Variants in TMEM134 observed in about 807,000 individuals in gnomAD.
TMEM134 encodes transmembrane protein 134.
TMEM134 carries 36 observed loss-of-function variants against 26.2 expected under a neutral mutation model. The observed-to-expected ratio is 1.37, with a 90% CI of 1.05 to 1.81. The LOEUF (loss-of-function observed/expected upper bound fraction) is 1.81, where lower values mean the gene tolerates loss of function less well. TMEM134 is among the 40% of genes most tolerant of loss of function. TMEM134 has a pLI of 0.00. For synonymous variants in TMEM134, 133 were observed against 113.6 expected, an observed-to-expected ratio of 1.17 and a Z score of -1.08; for missense variants, 339 against 263.5, an observed-to-expected ratio of 1.29 and a Z score of -1.98.
At chr11:67,467,925 G>A (rs1865378917) in intron 2 of TMEM134, 103 bp downstream of exon 2, 2 of 1,096,562 alleles carry the variant, frequency 1.8e-6, no homozygotes, top group Admixed American at 4.1e-5. Context: ...TCAATAGGAC[G>A]GGATGGAAGA....
At position 67,467,199 on chromosome 11, in the gene TMEM134, G is replaced by A. The variant is rs1033013902; in HGVS notation, c.406+113C>T. On this transcript the variant is annotated intron_variant, in intron 4 of 6. Coordinates refer to ENST00000308022, the MANE Select transcript of TMEM134 (RefSeq NM_025124.4). ...GGGAGTGTGATGATGGCAGCCAGCT[G>A]CCTCCTCAGGATGCTGGGAGGCTCA... 36 of 985,310 alleles carry A rather than the reference G, an allele frequency of 3.7e-5. No individual in the cohort carries two copies. The South Asian group carries it at 5.1e-4, about 14-fold the overall frequency. The allele number at this position is 985,310 out of a possible 1,614,324, so 61.0% of individuals were successfully genotyped here.
At chr11:67,468,893 G>C (rs1013151506) in intron 1 of TMEM134, 126 bp downstream of exon 1, 5 of 945,816 alleles carry the variant, frequency 5.3e-6, no homozygotes, top group Non-Finnish European at 4.3e-6. Context: ...TCCGCGGGGC[G>C]GGGGGGCGGT....
In TMEM134 at chr11:67,464,543, T is replaced by G; in HGVS notation, c.*71A>C. ...GAGGGTCCTGGAGGGCCTCTTCCCT[T>G]GAGATGAGGGGAACGGAACAGGGCA... On this transcript the variant is annotated 3_prime_UTR_variant, in exon 7 of 7. Coordinates refer to ENST00000308022, the MANE Select transcript of TMEM134 (RefSeq NM_025124.4). 6.0e-5 allele frequency: 88 copies of G among 1,477,634 alleles called. No homozygotes were observed. The highest frequency in any genetic ancestry group is 7.9e-5 in the Non-Finnish European group (85 of 1,080,670). 91.5% of individuals were successfully genotyped at this position (1,477,634 alleles called of 1,614,324 possible).
rs779767159 is a variant in TMEM134 at position 67,465,070 on chromosome 11, G to A, written c.437C>T (p.Ala146Val). The A allele has an allele frequency of 2.5e-6, 4 of 1,583,712 alleles. No individual in the cohort carries two copies. The highest frequency in any genetic ancestry group is 4.5e-5 in the East Asian group (2 of 44,388). Reference protein sequence around the residue: ...VLILVGVGLEATPSPGVSSAI... With the variant: ...VLILVGVGLEVTPSPGVSSAI... ...GGGTCGCTCACCTGGAGAGGGGGTC[G>A]CCTCCAGTCCCACGCCGACCAGGAT... The change falls in exon 5 of 7, where the codon GCG (alanine) becomes GTG (valine). Residue 146 changes from alanine to valine, a missense_variant. By Grantham distance (64) the Ala-to-Val change is moderately conservative. Transcript: ENST00000308022.
At position 67,468,037 on chromosome 11, in the gene TMEM134, A is replaced by T; in HGVS notation, c.230T>A (p.Val77Asp). ...AQASPEPDGG[V>D]GTRDSSRTSI... ...CCCACCTGGCCCTAACCTGGTGCCG[A>T]CTCCCCCATCCGGCTCCGGAGAGGC... is the stretch of plus-strand genomic sequence containing the variant. The change falls in exon 2 of 7, where the codon GTC becomes GAC. Residue 77 changes from valine to aspartate, a missense_variant. Coordinates refer to ENST00000308022, the MANE Select transcript of TMEM134 (RefSeq NM_025124.4). 1.3e-6 allele frequency: 2 copies of T among 1,558,036 alleles called. No homozygotes were observed. The highest frequency in any genetic ancestry group is 1.7e-6 in the Non-Finnish European group (2 of 1,150,850).
At chr11:67,467,913 A>C in intron 2 of TMEM134, 115 bp downstream of exon 2, 1 of 1,006,386 alleles carries the variant, frequency 9.9e-7, no homozygotes, top group Non-Finnish European at 1.5e-6. Flanking sequence ...TCAGGCTAGG[A>C]ATCAATAGGA....
intron 4 of TMEM134, 75 bp downstream of exon 4, chr11:67,467,237 A>G: frequency 1.4e-6 from 2 of 1,398,720 alleles, no homozygotes; most frequent in South Asian, 1.2e-5. Flanking sequence ...GTCAAGGGGG[A>G]GGCAGAGCCT....
chr11:67,464,969 A>C, intron 5 of TMEM134, 87 bp downstream of exon 5: 1 of 1,509,222 alleles, frequency 6.6e-7, no homozygotes, highest in South Asian at 1.2e-5. Flanking sequence ...GGAGCCGTGT[A>C]CTGCCGGGAG....
rs1865114494 is a variant in TMEM134, at chr11:67,464,566, G to C, written c.*48C>G. 6.5e-7 allele frequency: 1 copy of C among 1,535,580 alleles called. No individual in the cohort carries two copies. The highest frequency in any genetic ancestry group is 1.4e-5 in the African/African-American group (1 of 72,694). ...CTTGAGATGAGGGGAACGGAACAGG[G>C]CAAGAGGGGCGCCCCCATGGGCGCA... On this transcript the variant is annotated 3_prime_UTR_variant, in exon 7 of 7. Coordinates refer to ENST00000308022, the MANE Select transcript of TMEM134 (RefSeq NM_025124.4).
chr11:67,467,749 G>C, intron 2 of TMEM134, 159 bp from the exon 3 acceptor site: 1 of 734,860 alleles, frequency 1.4e-6, no homozygotes, highest in Non-Finnish European at 2.3e-6. Flanking sequence ...ATGAATTCAG[G>C]GGCTGGGGAT....
In TMEM134 at chr11:67,468,001, A is replaced by C. The variant is rs760475276; in HGVS notation, c.239+27T>G. 33 of 1,550,220 alleles carry C rather than the reference A, an allele frequency of 2.1e-5. No individual in the cohort carries two copies. The Admixed American group carries it at 3.9e-4, about 18-fold the overall frequency. ...GGGATAGGAGCTGGGGCTGGGGTAC[A>C]GGGTTGGGTCCCCACCTGGCCCTAA... On this transcript the variant is annotated intron_variant, in intron 2 of 6. Coordinates refer to ENST00000308022, the MANE Select transcript of TMEM134 (RefSeq NM_025124.4).
Position 67,462,181 on chromosome 11 carries a change from A to AC in TMEM134, c.*2432_*2433insG, listed in dbSNP as rs1303846497. 1.1e-4 allele frequency: 17 copies of AC among 151,602 alleles called. No homozygotes were observed. The highest frequency in any genetic ancestry group is 4.1e-4 in the African/African-American group (17 of 41,182). 9.4% of individuals were successfully genotyped at this position (151,602 alleles called of 1,614,324 possible). A position where few individuals can be genotyped will look rare whatever the true frequency, so the allele number is the denominator to read the frequency against. ...AGACTCGTCTCAAAAAAAAAACAAA[A>AC]AAAAAAAAAACAAGGAGTAAAAAGT... On this transcript the variant is annotated 3_prime_UTR_variant, in exon 7 of 7. Coordinates refer to ENST00000308022, the MANE Select transcript of TMEM134 (RefSeq NM_025124.4).
Position 67,462,041 on chromosome 11 carries a change from T to C in TMEM134, c.*2573A>G, listed in dbSNP as rs1865031362. 1 of 151,940 alleles carries C rather than the reference T, an allele frequency of 6.6e-6. No individual in the cohort carries two copies. The highest frequency in any genetic ancestry group is 1.5e-5 in the Non-Finnish European group (1 of 67,996). The allele number at this position is 151,940 out of a possible 1,614,324, so 9.4% of individuals were successfully genotyped here. On this transcript the variant is annotated 3_prime_UTR_variant, in exon 7 of 7. Coordinates refer to ENST00000308022, the MANE Select transcript of TMEM134 (RefSeq NM_025124.4). ...CAAAGATTAGCTGGGCATGGTGGCA[T>C]GTGCCTGTAGTCGCAGCTACTGAGA...
At chr11:67,467,277 G>A (rs775829055) in intron 4 of TMEM134, 35 bp downstream of exon 4, 5 of 1,607,990 alleles carry the variant, frequency 3.1e-6, no homozygotes, top group Non-Finnish European at 3.4e-6. Flanking sequence ...CCTCCCACGG[G>A]GCCCCTCTTG....
At position 67,463,439 on chromosome 11, in the gene TMEM134, C is replaced by G. The variant is rs934299244; in HGVS notation, c.*1175G>C. The G allele has an allele frequency of 1.3e-5, 2 of 152,312 alleles. No homozygotes were observed. The highest frequency in any genetic ancestry group is 2.1e-4 in the South Asian group (1 of 4,836). The allele number at this position is 152,312 out of a possible 1,614,324, so 9.4% of individuals were successfully genotyped here. On this transcript the variant is annotated 3_prime_UTR_variant, in exon 7 of 7. Coordinates refer to ENST00000308022, the MANE Select transcript of TMEM134 (RefSeq NM_025124.4). The stretch of plus-strand genomic sequence containing the variant: ...GCTACGTTCCTAATTCTACCTACCA[C>G]CTGCTGGCTGTCCTTGGGTGAGTCA...
intron 1 of TMEM134, among the ~76,000 whole-genome samples, chr11:67,468,780 G>C (rs1865453022): frequency 1.3e-5 from 2 of 152,210 alleles, no homozygotes; most frequent in African/African-American, 4.8e-5. Flanking sequence ...AGCTGGAGCT[G>C]AGGGATGAGC....
chr11:67,468,206 T>A lies in TMEM134; in HGVS notation c.175-114A>T, dbSNP rs1865405818. The stretch of plus-strand genomic sequence containing the variant: ...CATTTGCCTGGCCGCCTGGCAGCTG[T>A]TCACCTGGCCCTCTGCCCTCCCCGC... On this transcript the variant is annotated intron_variant, in intron 1 of 6. Transcript: ENST00000308022. 4 of 954,868 alleles carry A rather than the reference T, an allele frequency of 4.2e-6. No homozygotes were observed. In the Admixed American group the frequency reaches 8.5e-5, roughly 20 times the overall value. The allele number at this position is 954,868 out of a possible 1,614,324, so 59.1% of individuals were successfully genotyped here.
At chr11:67,466,538 C>T (rs575024612) in intron 4 of TMEM134, 108 of 153,072 alleles carry the variant, frequency 7.1e-4, no homozygotes, top group Middle Eastern at 3.4e-3. Flanking sequence ...AGTGGCAGCC[C>T]CCTCCCCCAC....
At position 67,464,538 on chromosome 11, in the gene TMEM134, T is replaced by A; in HGVS notation, c.*76A>T. On this transcript the variant is annotated 3_prime_UTR_variant, in exon 7 of 7. Coordinates refer to ENST00000308022, the MANE Select transcript of TMEM134 (RefSeq NM_025124.4). ...GTTTCGAGGGTCCTGGAGGGCCTCT[T>A]CCCTTGAGATGAGGGGAACGGAACA... The A allele has an allele frequency of 6.8e-7, 1 of 1,466,418 alleles. No homozygotes were observed. Among genetic ancestry groups the A allele is most frequent in the Non-Finnish European group, 9.3e-7 (1 of 1,070,252 alleles). 90.8% of individuals were successfully genotyped at this position (1,466,418 alleles called of 1,614,324 possible).
Sources: allele counts gnomAD v4.1 joint callset (sites outside exome capture counted in the v4.1 genomes callset), GRCh38; gene constraint gnomAD v4.1.1; transcripts MANE v1.5; gene names NCBI Gene and HGNC (gene_info 2026-07-23, HGNC 2026-07-21).